Variants in ROBO2 observed in about 807,000 individuals in gnomAD.
The protein encoded by ROBO2 is roundabout guidance receptor 2, also known as roundabout homolog 2.
In ROBO2, 53 loss-of-function variants were observed where a neutral mutation model predicts 160.8. The ratio of observed to expected loss-of-function variants is 0.33; its 90% CI spans 0.26 to 0.41. The LOEUF is 0.41. ROBO2 is among the 10% of genes least tolerant of loss of function. The pLI is 1.00. For synonymous variants in ROBO2, 664 were observed against 611.7 expected (o/e 1.09, Z -1.26); for missense variants, 1,577 against 1,722.4 (o/e 0.92, Z 1.49).
chr3:77,574,053 G>A (rs1051926694), intron 13 of ROBO2, among the ~76,000 whole-genome samples: 5 of 151,930 alleles, frequency 3.3e-5, no homozygotes, highest in Non-Finnish European at 7.4e-5. Flanking sequence ...GAGTGATGAT[G>A]TTAGTGAATA....
rs111582746 is a variant in ROBO2 at position 76,381,396 on chromosome 3, G to C, written c.109+443794G>C. Reference sequence around the variant, plus strand: ...GATGGAGTCTCGCTTTGTCTCCCAGGCTGGAGTGCAGTGGCATGATCTCTG... The same window carrying C: ...GATGGAGTCTCGCTTTGTCTCCCAGCCTGGAGTGCAGTGGCATGATCTCTG... On this transcript the variant is annotated intron_variant, in intron 2 of 26. Transcript: ENST00000487694. Among the ~76,000 whole-genome samples, 1,488 of 151,924 alleles carry C rather than the reference G, an allele frequency of 9.8e-3. 12 individuals are homozygous for C. Among genetic ancestry groups the C allele is most frequent in the Non-Finnish European group, 0.017 (1,157 of 67,940 alleles).
At chr3:76,360,982 GA>G (rs561782532) in intron 2 of ROBO2, among the ~76,000 whole-genome samples, 14 of 149,046 alleles carry the variant, frequency 9.4e-5, no homozygotes, top group South Asian at 2.1e-4. Context: ...TTTATTAGGA[GA>G]AAAAAAAAAT....
intron 2 of ROBO2, among the ~76,000 whole-genome samples, chr3:75,946,204 A>G (rs1948285184): frequency 6.6e-6 from 1 of 152,150 alleles, no homozygotes; most frequent in South Asian, 2.1e-4. Flanking sequence ...AAGACACAAA[A>G]TGATGTACAT....
intron 24 of ROBO2, among the ~76,000 whole-genome samples, chr3:77,636,330 A>G (rs1013036303): frequency 4.6e-5 from 7 of 152,204 alleles, no homozygotes; most frequent in Non-Finnish European, 8.8e-5. Context: ...ACGGTGGCTC[A>G]GGCCTGTAAT....
intron 2 of ROBO2, among the ~76,000 whole-genome samples, chr3:76,601,875 T>C (rs1399222071): frequency 6.6e-6 from 1 of 152,234 alleles, no homozygotes; most frequent in Non-Finnish European, 1.5e-5. Context: ...GGTTCAAGTT[T>C]TCTGAACTTT....
chr3:76,314,987 G>C (rs909175357), intron 2 of ROBO2, among the ~76,000 whole-genome samples: 4 of 152,126 alleles, frequency 2.6e-5, no homozygotes, highest in Admixed American at 2.0e-4. Flanking sequence ...GTACAAATGG[G>C]AGGTAAATAG....
intron 19 of ROBO2, among the ~76,000 whole-genome samples, chr3:77,600,672 GA>G (rs1409201491): frequency 2.6e-5 from 4 of 152,124 alleles, no homozygotes; most frequent in African/African-American, 9.7e-5. Context: ...AGAAGCGGCA[GA>G]AACAAAAGTC....
intron 8 of ROBO2, among the ~76,000 whole-genome samples, chr3:77,557,254 A>G (rs2840166): frequency 1.3e-5 from 2 of 152,106 alleles, no homozygotes; most frequent in East Asian, 3.9e-4. Context: ...CTGATTTTGC[A>G]CAAGCACTGT....
chr3:77,452,543 G>A (rs1030002693), intron 2 of ROBO2, among the ~76,000 whole-genome samples: 4 of 151,992 alleles, frequency 2.6e-5, no homozygotes, highest in African/African-American at 7.3e-5. Flanking sequence ...TTATACATTC[G>A]ATATTCTCAT....
chr3:77,167,198 TTG>T (rs1321829360), intron 2 of ROBO2, among the ~76,000 whole-genome samples: 26 of 152,180 alleles, frequency 1.7e-4, no homozygotes, highest in African/African-American at 5.8e-4. Context: ...TATTTAAACA[TTG>T]TATTTGGCCA....
chr3:77,553,203 G>A (rs753059752), intron 8 of ROBO2, among the ~76,000 whole-genome samples: 2 of 151,880 alleles, frequency 1.3e-5, no homozygotes, highest in Non-Finnish European at 2.9e-5. Context: ...TTATGGTGGT[G>A]GTCTGTGATC....
Position 76,527,159 on chromosome 3 carries a change from G to A in ROBO2, c.110-570855G>A, listed in dbSNP as rs139024137. ...CTCTTTTGTAATTGTTTACATTTTG[G>A]AGAAAAAAAAGGCTTGAAAAAATGG... is the stretch of plus-strand genomic sequence containing the variant. On this transcript the variant is annotated intron_variant, in intron 2 of 26. Coordinates refer to the ROBO2 transcript ENST00000487694. 5.9e-3 allele frequency among the ~76,000 whole-genome samples: 898 copies of A among 151,362 alleles called. 10 individuals carry two copies. The highest frequency in any genetic ancestry group is 0.02 in the African/African-American group (834 of 41,308).
At chr3:77,410,560 C>G (rs1581724802) in intron 2 of ROBO2, among the ~76,000 whole-genome samples, 1 of 146,760 alleles carries the variant, frequency 6.8e-6, no homozygotes, top group Non-Finnish European at 1.5e-5. Flanking sequence ...TCTTCTTCCT[C>G]CTCTTCTTCC....
At chr3:76,252,151 A>G (rs1706044071) in intron 2 of ROBO2, among the ~76,000 whole-genome samples, 1 of 151,966 alleles carries the variant, frequency 6.6e-6, no homozygotes, top group South Asian at 2.1e-4. Context: ...AAATTTAATC[A>G]CTGAAAAAAT....
At chr3:76,233,103 C>G (rs949495575) in intron 2 of ROBO2, among the ~76,000 whole-genome samples, 2 of 150,972 alleles carry the variant, frequency 1.3e-5, no homozygotes, top group African/African-American at 4.9e-5. Flanking sequence ...TATTTTTTTT[C>G]TACATCAATT....
chr3:76,200,735 A>G (rs1025329653), intron 2 of ROBO2, among the ~76,000 whole-genome samples: 7 of 152,142 alleles, frequency 4.6e-5, no homozygotes, highest in Non-Finnish European at 1.5e-5. Flanking sequence ...ATTATCCTAT[A>G]GTAGGGTGGC....
intron 2 of ROBO2, among the ~76,000 whole-genome samples, chr3:76,251,045 A>G (rs1705962313): frequency 6.6e-6 from 1 of 151,980 alleles, no homozygotes; most frequent in Non-Finnish European, 1.5e-5. Context: ...TTCCTGACTG[A>G]TTGTAGCTGG....
chr3:76,862,427 G>A (rs754415235), intron 2 of ROBO2, among the ~76,000 whole-genome samples: 26 of 152,192 alleles, frequency 1.7e-4, no homozygotes, highest in South Asian at 6.2e-4. Context: ...TGCCACACAG[G>A]AATTTTCATA....
At chr3:77,020,600 G>C (rs2062569785) in intron 2 of ROBO2, among the ~76,000 whole-genome samples, 1 of 152,164 alleles carries the variant, frequency 6.6e-6, no homozygotes, top group Non-Finnish European at 1.5e-5. Context: ...TAAGGGGACA[G>C]TAAATAAAAT....
Sources: gnomAD v4.1 joint callset for allele counts (sites outside exome capture counted in the v4.1 genomes callset) on GRCh38, gnomAD v4.1.1 for gene constraint, MANE v1.5 for transcripts, NCBI Gene and HGNC (gene_info 2026-07-23, HGNC 2026-07-21) for gene names.